B3GALT5: variants seen among roughly 807,000 people sequenced by gnomAD.
The protein encoded by B3GALT5 is UDP-Gal:betaGlcNAc beta 1,3-galactosyltransferase, polypeptide 5.
For missense variants in B3GALT5, 328 were observed against 396.6 expected, an observed-to-expected ratio of 0.83 and a Z score of 1.47; for synonymous variants, 156 against 158.6, an observed-to-expected ratio of 0.98 and a Z score of 0.12.
rs2079581352 is a variant in B3GALT5, at chr21:39,666,703, ACCC to A, written c.*5212_*5214del. Reference sequence around the variant, plus strand: ...ACCATGCCTTAAAAAACAAAACAAAACCCTAAATGTATTTAATTCCTGCTCCTC... The same window carrying A: ...ACCATGCCTTAAAAAACAAAACAAAATAAATGTATTTAATTCCTGCTCCTC... On this transcript the variant is annotated 3_prime_UTR_variant, in exon 4 of 4. Transcript: ENST00000684187. The A allele has an allele frequency of 6.6e-6, 1 of 152,218 alleles. No individual in the cohort carries two copies. The highest frequency in any genetic ancestry group is 1.5e-5 in the Non-Finnish European group (1 of 68,114). The allele number at this position is 152,218 out of a possible 1,614,324, so 9.4% of individuals were successfully genotyped here.
chr21:39,631,624 ATATT>A (rs1315652683), intron 1 of B3GALT5, among the ~76,000 whole-genome samples: 2 of 152,342 alleles, frequency 1.3e-5, no homozygotes, highest in Non-Finnish European at 2.9e-5. Context: ...TAGGAAGCTG[ATATT>A]TATTTAGGAA....
At chr21:39,656,656 T>G (rs8130884) in intron 2 of B3GALT5, among the ~76,000 whole-genome samples, 6,546 of 152,290 alleles carry the variant, frequency 0.043, 424 homozygotes, top group African/African-American at 0.13. Flanking sequence ...CCTTCAGTTT[T>G]CCAGTCCTTA....
At chr21:39,656,574 A>G (rs148327337) in intron 2 of B3GALT5, among the ~76,000 whole-genome samples, 7 of 152,242 alleles carry the variant, frequency 4.6e-5, no homozygotes, top group Non-Finnish European at 8.8e-5. Flanking sequence ...GGGCTTGGCC[A>G]TTGTCCCTTC....
rs1003988765 is a variant in B3GALT5 at position 39,649,727 on chromosome 21, G to A, written c.-161+3105G>A. Among the ~76,000 whole-genome samples, 10 of 152,208 alleles carry A rather than the reference G, an allele frequency of 6.6e-5. No individual in the cohort carries two copies. The East Asian group carries it at 1.7e-3, about 26-fold the overall frequency. On this transcript the variant is annotated intron_variant, in intron 2 of 3. Transcript: ENST00000684187. ...CAGGGTGACCAGACATCAAGGGTGGGGGACGAGGAACCGATCAGATAGTGA... is the reference window on the plus strand; with the variant it reads ...CAGGGTGACCAGACATCAAGGGTGGAGGACGAGGAACCGATCAGATAGTGA...
rs2837110 is a variant in B3GALT5, at chr21:39,667,261, G to A, written c.*5769G>A. ...GTCAGACTGGTGATTTCCAACTCCC[G>A]CCGGGCACCGGGTGCTGCACCGGTT... On this transcript the variant is annotated 3_prime_UTR_variant, in exon 4 of 4. Transcript: ENST00000684187. 0.63 allele frequency: 96,592 copies of A among 152,128 alleles called. 32,256 individuals are homozygous for A. Among genetic ancestry groups the A allele is most frequent in the South Asian group, 0.76 (3,643 of 4,818 alleles). The allele number at this position is 152,128 out of a possible 1,614,324, so 9.4% of individuals were successfully genotyped here.
At chr21:39,629,488 A>G (rs542707217) in intron 1 of B3GALT5, among the ~76,000 whole-genome samples, 12 of 152,224 alleles carry the variant, frequency 7.9e-5, no homozygotes, top group African/African-American at 2.9e-4. Context: ...AATTAATTCA[A>G]TCCTGCTTTT....
Position 39,672,518 on chromosome 21 carries a change from G to T in B3GALT5, c.*11026G>T, listed in dbSNP as rs1332189402. On this transcript the variant is annotated 3_prime_UTR_variant, in exon 4 of 4. Coordinates refer to ENST00000684187, the MANE Select transcript of B3GALT5 (RefSeq NM_001356336.2). ...CTAGACTCTTATGTCATTGTATTTT[G>T]GAAATGGGTATATGTCCTTATTATT... 6.6e-6 allele frequency: 1 copy of T among 152,056 alleles called. No individual in the cohort carries two copies. Among genetic ancestry groups the T allele is most frequent in the East Asian group, 1.9e-4 (1 of 5,198 alleles). The allele number at this position is 152,056 out of a possible 1,614,324, so 9.4% of individuals were successfully genotyped here.
At position 39,667,736 on chromosome 21, in the gene B3GALT5, TG is replaced by T. The variant is rs1418541975; in HGVS notation, c.*6248del. On this transcript the variant is annotated 3_prime_UTR_variant, in exon 4 of 4. Coordinates refer to ENST00000684187, the MANE Select transcript of B3GALT5 (RefSeq NM_001356336.2). ...GTTACTGTCTACCTGGTGGGGAAGCTGGGGAAAAGGGCCCATGGGAGGATAC... is the reference window on the plus strand; with the variant it reads ...GTTACTGTCTACCTGGTGGGGAAGCTGGGAAAAGGGCCCATGGGAGGATAC... 1 of 152,138 alleles carries T rather than the reference TG, an allele frequency of 6.6e-6. No homozygotes were observed. Among genetic ancestry groups the T allele is most frequent in the African/African-American group, 2.4e-5 (1 of 41,436 alleles). 9.4% of individuals were successfully genotyped at this position (152,138 alleles called of 1,614,324 possible).
intron 1 of B3GALT5, chr21:39,630,357 A>G (rs2079185183): frequency 6.6e-6 from 1 of 152,174 alleles, no homozygotes; most frequent in Non-Finnish European, 1.5e-5. Flanking sequence ...CAAGAAACCC[A>G]AATGTTGGAG....
rs373444897 is a variant in B3GALT5, at chr21:39,639,359, C to T, written c.-391-7033C>T. ...CTTTCTTTCTTTCTTTCCTTCCTTC[C>T]TTCCTTCCTTCCTTCCTTCCTTCCT... On this transcript the variant is annotated intron_variant, in intron 1 of 3. Transcript: ENST00000684187. 8.1e-3 allele frequency among the ~76,000 whole-genome samples: 810 copies of T among 100,192 alleles called. 1 individual carries two copies. Among genetic ancestry groups the T allele is most frequent in the African/African-American group, 8.9e-3 (244 of 27,478 alleles). 65.7% of individuals were successfully genotyped at this position (100,192 alleles called of 152,430 possible).
intron 1 of B3GALT5, among the ~76,000 whole-genome samples, chr21:39,635,868 G>A (rs556471225): frequency 6.6e-6 from 1 of 152,322 alleles, no homozygotes; most frequent in African/African-American, 2.4e-5. Context: ...CCAATTGTCA[G>A]TTCTGTGCAT....
chr21:39,641,174 T>C (rs972725982), intron 1 of B3GALT5, among the ~76,000 whole-genome samples: 5 of 152,240 alleles, frequency 3.3e-5, no homozygotes, highest in African/African-American at 4.8e-5. Context: ...AAGTTCGGGA[T>C]ATTAGCTAGA....
chr21:39,620,017 G>A (rs905157091), intron 1 of B3GALT5, among the ~76,000 whole-genome samples: 4 of 152,150 alleles, frequency 2.6e-5, no homozygotes, highest in Non-Finnish European at 5.9e-5. Flanking sequence ...GGTAGAGACA[G>A]TATTCACTAT....
rs532654945 is a variant in B3GALT5, at chr21:39,662,803, A to G, written c.*1311A>G. On this transcript the variant is annotated 3_prime_UTR_variant, in exon 4 of 4. Transcript: ENST00000684187. ...AATTATAGAAATGATTTTTCTTTTA[A>G]TTTTTTACTTTACCAGACTTTACTT... 1.2e-5 allele frequency: 2 copies of G among 167,152 alleles called. No individual in the cohort carries two copies. The highest frequency in any genetic ancestry group is 2.9e-5 in the Non-Finnish European group (2 of 68,110). 10.4% of individuals were successfully genotyped at this position (167,152 alleles called of 1,614,324 possible).
At chr21:39,655,171 T>C (rs903423465) in intron 2 of B3GALT5, among the ~76,000 whole-genome samples, 9 of 152,194 alleles carry the variant, frequency 5.9e-5, no homozygotes, top group Admixed American at 3.3e-4. Flanking sequence ...AGCCAAAAGC[T>C]GGCAAGCTCT....
Position 39,671,226 on chromosome 21 carries a change from A to T in B3GALT5, c.*9734A>T, listed in dbSNP as rs1010495260. On this transcript the variant is annotated 3_prime_UTR_variant, in exon 4 of 4. Coordinates refer to ENST00000684187, the MANE Select transcript of B3GALT5 (RefSeq NM_001356336.2). ...CACTGGGGATTAAGTTTCCTTACAC[A>T]TGCACTTTGGGGGACACATTCAAAC... 1.3e-5 allele frequency: 2 copies of T among 152,196 alleles called. No individual in the cohort carries two copies. The highest frequency in any genetic ancestry group is 4.8e-5 in the African/African-American group (2 of 41,440). The allele number at this position is 152,196 out of a possible 1,614,324, so 9.4% of individuals were successfully genotyped here. A position where few individuals can be genotyped will look rare whatever the true frequency, so the allele number is the denominator to read the frequency against.
At chr21:39,643,828 C>T (rs764460785) in intron 1 of B3GALT5, among the ~76,000 whole-genome samples, 1 of 152,152 alleles carries the variant, frequency 6.6e-6, no homozygotes, top group African/African-American at 2.4e-5. Flanking sequence ...CGCAGCTCCT[C>T]GAGGCTGGTG....
chr21:39,658,284 T>G (rs1409877897), intron 2 of B3GALT5, among the ~76,000 whole-genome samples: 2 of 152,090 alleles, frequency 1.3e-5, no homozygotes, highest in Non-Finnish European at 2.9e-5. Context: ...CTGCTCTGCC[T>G]CCTGGGAAAC....
chr21:39,628,359 C>T lies in B3GALT5; in HGVS notation c.-392+15292C>T, dbSNP rs1053306134. On this transcript the variant is annotated intron_variant, in intron 1 of 3. Transcript: ENST00000684187. ...GCCCTTAGGGTGGGTATCCATCACC[C>T]GAGTAACGTGTATTGTACCCGTTAA... Among the ~76,000 whole-genome samples the T allele has an allele frequency of 7.9e-5, 12 of 152,254 alleles. No homozygotes were observed. In the Middle Eastern group the frequency reaches 0.01, roughly 129 times the overall value.
Sources: gnomAD v4.1 joint callset for allele counts (sites outside exome capture counted in the v4.1 genomes callset) on GRCh38, gnomAD v4.1.1 for gene constraint, MANE v1.5 for transcripts, NCBI Gene and HGNC (gene_info 2026-07-23, HGNC 2026-07-21) for gene names.